The following KIAA1217 variants were observed in gnomAD, a reference collection of about 807,000 sequenced individuals.
KIAA1217 encodes KIAA1217.
KIAA1217 carries 88 observed loss-of-function variants against 163.9 expected under a neutral mutation model. The ratio of observed to expected loss-of-function variants is 0.54; its 90% CI spans 0.45 to 0.64. KIAA1217 has a LOEUF of 0.64. KIAA1217 is among the 30% of genes least tolerant of loss of function. KIAA1217 has a pLI of 0.00. For missense variants in KIAA1217, 2,372 were observed against 2,475.0 expected (o/e 0.96, Z 0.88); for synonymous variants, 903 against 923.1 (o/e 0.98, Z 0.39).
At chr10:23,808,298 T>C (rs574633685) in intron 1 of KIAA1217, among the ~76,000 whole-genome samples, 1 of 152,256 alleles carries the variant, frequency 6.6e-6, no homozygotes, top group African/African-American at 2.4e-5. Context: ...CTGTGAGTAA[T>C]GAAGTAACAC....
chr10:24,482,349 C>G (rs543283251), intron 6 of KIAA1217: 1 of 152,326 alleles, frequency 6.6e-6, no homozygotes, highest in South Asian at 2.1e-4. Context: ...CCAGAAAAAA[C>G]TAAATACTGT....
chr10:23,857,254 G>A (rs1029466385), intron 1 of KIAA1217, among the ~76,000 whole-genome samples: 1 of 152,068 alleles, frequency 6.6e-6, no homozygotes, highest in African/African-American at 2.4e-5. Flanking sequence ...AGACTTCAGG[G>A]GTCAGAACAT....
At chr10:24,426,233 A>C (rs1321547336) in intron 3 of KIAA1217, among the ~76,000 whole-genome samples, 2 of 152,222 alleles carry the variant, frequency 1.3e-5, no homozygotes, top group Non-Finnish European at 2.9e-5. Flanking sequence ...GTTTCAACTA[A>C]AGGTATCTGA....
intron 2 of KIAA1217, among the ~76,000 whole-genome samples, chr10:24,354,952 T>G (rs1289074536): frequency 1.3e-5 from 2 of 152,246 alleles, no homozygotes; most frequent in African/African-American, 2.4e-5. Flanking sequence ...AGTATTTCCC[T>G]GCCTCCTGTC....
chr10:24,480,590 A>AC (rs2064554741), intron 6 of KIAA1217, among the ~76,000 whole-genome samples: 1 of 152,198 alleles, frequency 6.6e-6, no homozygotes, highest in Non-Finnish European at 1.5e-5. Flanking sequence ...AGGATGCAAC[A>AC]ACTCATTACA....
intron 1 of KIAA1217, among the ~76,000 whole-genome samples, chr10:23,813,561 T>C (rs775172943): frequency 6.6e-6 from 1 of 152,184 alleles, no homozygotes. Context: ...TTGGAAAATA[T>C]TTATAAAATG....
At chr10:24,460,813 G>T (rs949156653) in intron 5 of KIAA1217, among the ~76,000 whole-genome samples, 2 of 152,096 alleles carry the variant, frequency 1.3e-5, no homozygotes, top group Non-Finnish European at 2.9e-5. Context: ...GGGCTAAGAC[G>T]GTAACCCAGG....
At chr10:24,166,207 A>G (rs1057450526) in intron 2 of KIAA1217, among the ~76,000 whole-genome samples, 1 of 152,070 alleles carries the variant, frequency 6.6e-6, no homozygotes, top group Non-Finnish European at 1.5e-5. Context: ...TCCTTGATAA[A>G]TAAATCACCT....
chr10:24,010,222 C>A (rs1401387655), intron 2 of KIAA1217, among the ~76,000 whole-genome samples: 1 of 151,374 alleles, frequency 6.6e-6, no homozygotes, highest in Non-Finnish European at 1.5e-5. Context: ...AAAAAAAAGT[C>A]AATGATTACA....
intron 1 of KIAA1217, among the ~76,000 whole-genome samples, chr10:23,706,286 G>C (rs758270563): frequency 1.3e-5 from 2 of 151,722 alleles, no homozygotes; most frequent in African/African-American, 4.8e-5. Flanking sequence ...AATTGTCCTC[G>C]CTAGGTCCTG....
At chr10:24,215,456 G>T (rs1040435898) in intron 1 of KIAA1217, among the ~76,000 whole-genome samples, 2 of 152,160 alleles carry the variant, frequency 1.3e-5, no homozygotes, top group Admixed American at 6.5e-5. Flanking sequence ...ACAAGAAATC[G>T]AATTGTATTT....
intron 2 of KIAA1217, among the ~76,000 whole-genome samples, chr10:24,044,519 T>C (rs1848849960): frequency 6.6e-6 from 1 of 152,102 alleles, no homozygotes; most frequent in African/African-American, 2.4e-5. Context: ...TTTTTTTAAG[T>C]GTGTCTCCCA....
chr10:23,936,374 C>G (rs993300464), intron 1 of KIAA1217, among the ~76,000 whole-genome samples: 7 of 152,102 alleles, frequency 4.6e-5, no homozygotes, highest in Non-Finnish European at 7.3e-5. Flanking sequence ...CCCCCCGGCC[C>G]CAACAAGAGA....
At chr10:24,184,551 G>T (rs12573202) in intron 2 of KIAA1217, among the ~76,000 whole-genome samples, 7 of 152,128 alleles carry the variant, frequency 4.6e-5, no homozygotes, top group Admixed American at 6.5e-5. Context: ...CCTTCAAAGC[G>T]CACAGTCCTC....
At chr10:23,855,314 C>A (rs1041042833) in intron 1 of KIAA1217, among the ~76,000 whole-genome samples, 6 of 152,116 alleles carry the variant, frequency 3.9e-5, no homozygotes, top group Admixed American at 3.3e-4. Flanking sequence ...GTTGAAAATT[C>A]TTTTCTTTAA....
intron 17 of KIAA1217, among the ~76,000 whole-genome samples, chr10:24,541,233 G>T (rs191500996): frequency 7.1e-6 from 1 of 141,596 alleles, no homozygotes; most frequent in Non-Finnish European, 1.6e-5. Flanking sequence ...TTTACTTGAC[G>T]TATTCATTGT....
At chr10:23,934,645 T>C (rs1479841627) in intron 1 of KIAA1217, among the ~76,000 whole-genome samples, 1 of 123,092 alleles carries the variant, frequency 8.1e-6, no homozygotes, top group Non-Finnish European at 1.6e-5. Context: ...TGAGACGGAG[T>C]CTCGCTCTGT....
rs191722205 is a variant in KIAA1217, at chr10:24,328,478, G to T, written c.355-52391G>T. ...CAAATGTAACCATCTCAAGTTTTAAGACTGGGGCGATCAGTTTTTATGTTT... is the reference window on the plus strand; with the variant it reads ...CAAATGTAACCATCTCAAGTTTTAATACTGGGGCGATCAGTTTTTATGTTT... On this transcript the variant is annotated intron_variant, in intron 2 of 20. Coordinates refer to ENST00000376454, the MANE Select transcript of KIAA1217 (RefSeq NM_019590.5). Among the ~76,000 whole-genome samples the T allele has an allele frequency of 3.2e-3, 461 of 143,064 alleles. 4 individuals carry two copies. Among genetic ancestry groups the T allele is most frequent in the African/African-American group, 0.012 (441 of 37,976 alleles). 93.9% of individuals were successfully genotyped at this position (143,064 alleles called of 152,430 possible).
In KIAA1217 at chr10:23,851,575, G is replaced by A. The variant is rs183186964; in HGVS notation, c.-320-155650G>A. On this transcript the variant is annotated intron_variant, in intron 1 of 18. Coordinates refer to the KIAA1217 transcript ENST00000376462. Reference sequence around the variant, plus strand: ...ATGGTATTTCTAGTTCTAGATCCCTGAGGAATCGCCACACTGACTTCCACA... The same window carrying A: ...ATGGTATTTCTAGTTCTAGATCCCTAAGGAATCGCCACACTGACTTCCACA... 6.7e-3 allele frequency among the ~76,000 whole-genome samples: 1,027 copies of A among 152,260 alleles called. 74 individuals carry two copies. The East Asian group carries it at 0.17, about 25-fold the overall frequency.
Sources: allele counts gnomAD v4.1 joint callset (sites outside exome capture counted in the v4.1 genomes callset), GRCh38; gene constraint gnomAD v4.1.1; transcripts MANE v1.5; gene names NCBI Gene and HGNC (gene_info 2026-07-23, HGNC 2026-07-21).